The following ADAMTS12 variants were observed in gnomAD, a reference collection of about 807,000 sequenced individuals.
ADAMTS12 encodes A disintegrin and metalloproteinase with thrombospondin motifs 12.
Under a neutral mutation model 167.8 loss-of-function variants are expected in ADAMTS12, and 118 were observed. That is an observed-to-expected ratio of 0.70 (90% CI 0.61 to 0.82). ADAMTS12 has a LOEUF of 0.82. Among genes scored for constraint, ADAMTS12 ranks in the 40% least tolerant of loss-of-function variants. The probability of loss-of-function intolerance (pLI) is 0.00; values close to 1 mark genes in which losing one functional copy is unlikely to be tolerated. For missense variants in ADAMTS12, 1,916 were observed against 1,998.8 expected (o/e 0.96, Z 0.79); for synonymous variants, 704 against 716.9 (o/e 0.98, Z 0.29).
At position 33,631,104 on chromosome 5, in the gene ADAMTS12, T is replaced by C. The variant is rs185332695; in HGVS notation, c.1889-191A>G. On this transcript the variant is annotated intron_variant, in intron 12 of 23. Transcript: ENST00000504830. The stretch of plus-strand genomic sequence containing the variant: ...ACATCCAGGTGCTGAATCCAAGGAT[T>C]ATTTTTCCTTTTTCAAAACAAGTTT... Among the ~76,000 whole-genome samples, 111 of 152,256 alleles carry C rather than the reference T, an allele frequency of 7.3e-4. 2 individuals carry two copies. The highest frequency in any genetic ancestry group is 5.1e-3 in the East Asian group (26 of 5,140).
At chr5:33,620,437 G>C (rs1439353041) in intron 14 of ADAMTS12, among the ~76,000 whole-genome samples, 6 of 152,216 alleles carry the variant, frequency 3.9e-5, no homozygotes, top group African/African-American at 1.4e-4. Flanking sequence ...TCCTCACATG[G>C]AAATGATTAG....
At chr5:33,621,936 T>C (rs1157689567) in intron 14 of ADAMTS12, among the ~76,000 whole-genome samples, 3 of 152,214 alleles carry the variant, frequency 2.0e-5, no homozygotes, top group African/African-American at 7.2e-5. Context: ...GTCTCAGTTA[T>C]CTCAAAAGAG....
rs1340066943 is a variant in ADAMTS12 at position 33,835,927 on chromosome 5, C to T, written c.489+45192G>A. 2.4e-4 allele frequency among the ~76,000 whole-genome samples: 12 copies of T among 50,894 alleles called. No individual in the cohort carries two copies. The East Asian group carries it at 4.1e-3, about 17-fold the overall frequency. The allele number at this position is 50,894 out of a possible 152,430, so 33.4% of individuals were successfully genotyped here. ...TATCCATCTCTCTCTCTCTCTCTCT[C>T]TCTCTCTCTCTCTCTCTCTCTCTCT... On this transcript the variant is annotated intron_variant, in intron 2 of 23. Transcript: ENST00000504830.
chr5:33,623,222 G>A (rs926984645), intron 14 of ADAMTS12, among the ~76,000 whole-genome samples: 3 of 152,082 alleles, frequency 2.0e-5, no homozygotes, highest in African/African-American at 7.2e-5. Flanking sequence ...CCTGTCCTGG[G>A]CATCAACCCT....
chr5:33,707,262 T>C (rs1743235636), intron 3 of ADAMTS12, among the ~76,000 whole-genome samples: 1 of 151,974 alleles, frequency 6.6e-6, no homozygotes, highest in Non-Finnish European at 1.5e-5. Context: ...GAAGTACCTC[T>C]TCAAGGAGAA....
intron 3 of ADAMTS12, among the ~76,000 whole-genome samples, chr5:33,730,716 G>C (rs1043946205): frequency 6.6e-6 from 1 of 152,078 alleles, no homozygotes; most frequent in South Asian, 2.1e-4. Context: ...TGGAACCCTC[G>C]ACTTTATCTA....
At chr5:33,722,583 C>A (rs1579874526) in intron 3 of ADAMTS12, among the ~76,000 whole-genome samples, 1 of 152,154 alleles carries the variant, frequency 6.6e-6, no homozygotes, top group African/African-American at 2.4e-5. Context: ...CTAATATTTT[C>A]TTAGACCAAA....
At chr5:33,631,339 T>G (rs1739920345) in intron 12 of ADAMTS12, among the ~76,000 whole-genome samples, 1 of 152,098 alleles carries the variant, frequency 6.6e-6, no homozygotes, top group Non-Finnish European at 1.5e-5. Context: ...TAAGTAGACC[T>G]CCAGGGGACA....
chr5:33,709,356 T>A (rs1454482504), intron 3 of ADAMTS12, among the ~76,000 whole-genome samples: 1 of 152,222 alleles, frequency 6.6e-6, no homozygotes. Context: ...TTACTGGGTA[T>A]ACACCCAAAG....
At chr5:33,539,823 A>G (rs902056079) in intron 22 of ADAMTS12, among the ~76,000 whole-genome samples, 2 of 152,124 alleles carry the variant, frequency 1.3e-5, no homozygotes, top group Non-Finnish European at 2.9e-5. Flanking sequence ...GCTAAAGTAG[A>G]TTGAGGTTCC....
chr5:33,698,075 G>T (rs1301375910), intron 3 of ADAMTS12, among the ~76,000 whole-genome samples: 4 of 152,198 alleles, frequency 2.6e-5, no homozygotes, highest in Non-Finnish European at 2.9e-5. Context: ...AGAGGGGAGA[G>T]CCAACTGAGT....
chr5:33,582,150 T>C (rs1305331168), intron 18 of ADAMTS12, among the ~76,000 whole-genome samples: 1 of 152,138 alleles, frequency 6.6e-6, no homozygotes, highest in African/African-American at 2.4e-5. Context: ...AAATCAGACC[T>C]AGATAATTAA....
chr5:33,730,289 G>GGGGTGTGTGTGTGT (rs1554038433), intron 3 of ADAMTS12, among the ~76,000 whole-genome samples: 32 of 144,260 alleles, frequency 2.2e-4, no homozygotes, highest in South Asian at 4.5e-4. Context: ...AGTCCATTAG[G>GGGGTGTGTGTGTGT]GTGTGTGTGT....
At chr5:33,792,802 T>G (rs1429636262) in intron 2 of ADAMTS12, among the ~76,000 whole-genome samples, 1 of 152,260 alleles carries the variant, frequency 6.6e-6, no homozygotes, top group Non-Finnish European at 1.5e-5. Context: ...GAGCAGAGTG[T>G]GAGCCGAACT....
chr5:33,819,700 G>A (rs1425549702), intron 2 of ADAMTS12, among the ~76,000 whole-genome samples: 1 of 152,000 alleles, frequency 6.6e-6, no homozygotes, highest in East Asian at 1.9e-4. Context: ...CATTATAAAC[G>A]ATCCACTCAG....
chr5:33,790,468 G>A (rs1561273501), intron 2 of ADAMTS12, among the ~76,000 whole-genome samples: 2 of 151,096 alleles, frequency 1.3e-5, no homozygotes, highest in African/African-American at 2.4e-5. Flanking sequence ...CAGAAGAATC[G>A]CTTGAACCCA....
At chr5:33,573,596 C>T (rs1746507298) in intron 19 of ADAMTS12, among the ~76,000 whole-genome samples, 1 of 152,132 alleles carries the variant, frequency 6.6e-6, no homozygotes, top group Admixed American at 6.6e-5. Context: ...AAAATTAATT[C>T]AAGATGGATT....
rs185163017 is a variant in ADAMTS12, at chr5:33,824,783, C to G, written c.489+56336G>C. On this transcript the variant is annotated intron_variant, in intron 2 of 23. Transcript: ENST00000504830. The stretch of plus-strand genomic sequence containing the variant: ...GTCACACAAGAAAACTTCCCAGCAT[C>G]CCTTGCTCTGTAAAGTTACACAGTT... 2.8e-3 allele frequency among the ~76,000 whole-genome samples: 425 copies of G among 152,280 alleles called. 3 individuals are homozygous for G. The highest frequency in any genetic ancestry group is 4.6e-3 in the Admixed American group (70 of 15,286).
chr5:33,645,198 T>C (rs1561191856), intron 9 of ADAMTS12, among the ~76,000 whole-genome samples: 1 of 151,306 alleles, frequency 6.6e-6, no homozygotes, highest in African/African-American at 2.4e-5. Context: ...GTGAAGGCAC[T>C]CAAGCTATAA....
Sources: allele counts gnomAD v4.1 joint callset (sites outside exome capture counted in the v4.1 genomes callset), GRCh38; gene constraint gnomAD v4.1.1; transcripts MANE v1.5; gene names NCBI Gene and HGNC (gene_info 2026-07-23, HGNC 2026-07-21).